Variants in TDRD3 observed in about 807,000 individuals in gnomAD.
TDRD3 encodes the protein tudor domain containing 3.
Under a neutral mutation model 86.7 loss-of-function variants are expected in TDRD3, and 45 were observed. That is an observed-to-expected ratio of 0.52 (90% confidence interval 0.41 to 0.67). The LOEUF (loss-of-function observed/expected upper bound fraction) is 0.67, where lower values mean the gene tolerates loss of function less well. Ranked by LOEUF, TDRD3 falls within the 30% of genes least tolerant of loss-of-function variation. TDRD3 has a pLI of 0.00. For missense variants in TDRD3, 814 were observed against 889.0 expected, an observed-to-expected ratio of 0.92 and a Z score of 1.07; for synonymous variants, 298 against 301.7, an observed-to-expected ratio of 0.99 and a Z score of 0.13.
chr13:60,417,019 CT>C lies in TDRD3; in HGVS notation c.41+19629del, dbSNP rs560202011. Among the ~76,000 whole-genome samples, 392 of 141,772 alleles carry C rather than the reference CT, an allele frequency of 2.8e-3. 1 individual carries two copies. Among genetic ancestry groups the C allele is most frequent in the East Asian group, 3.1e-3 (15 of 4,912 alleles). 93.0% of individuals were successfully genotyped at this position (141,772 alleles called of 152,430 possible). Reference sequence around the variant, plus strand: ...CTTTAACTGATCAGTCTCTCTCTCTCTTTTTTTTTTTTTTTGAGTCCAGGTC... The same window carrying C: ...CTTTAACTGATCAGTCTCTCTCTCTCTTTTTTTTTTTTTTGAGTCCAGGTC... On this transcript the variant is annotated intron_variant, in intron 1 of 13. Coordinates refer to ENST00000377881, the MANE Select transcript of TDRD3 (RefSeq NM_001146070.2).
intron 7 of TDRD3, among the ~76,000 whole-genome samples, chr13:60,492,917 CTTTTTTT>C (rs71199004): frequency 1.7e-5 from 2 of 115,470 alleles, no homozygotes; most frequent in African/African-American, 6.0e-5. Flanking sequence ...TCTTTCTTTT[CTTTTTTT>C]TTTTTTTTTT....
intron 1 of TDRD3, among the ~76,000 whole-genome samples, chr13:60,424,742 C>A (rs2137886871): frequency 6.6e-6 from 1 of 152,268 alleles, no homozygotes; most frequent in Non-Finnish European, 1.5e-5. Context: ...GATTTGTAAT[C>A]ATCACTACTA....
intron 13 of TDRD3, among the ~76,000 whole-genome samples, chr13:60,569,105 A>G (rs145263146): frequency 4.7e-4 from 71 of 152,124 alleles, no homozygotes; most frequent in African/African-American, 8.4e-4. Flanking sequence ...AGTAGCTGGG[A>G]CCACAGGTGC....
chr13:60,465,306 G>A (rs1955894602), intron 4 of TDRD3, among the ~76,000 whole-genome samples: 2 of 152,130 alleles, frequency 1.3e-5, no homozygotes, highest in Non-Finnish European at 2.9e-5. Context: ...TACAATGACT[G>A]TCAGAGTTAT....
chr13:60,540,199 T>C (rs539516007), intron 12 of TDRD3, among the ~76,000 whole-genome samples: 1 of 152,298 alleles, frequency 6.6e-6, no homozygotes, highest in South Asian at 2.1e-4. Flanking sequence ...GAGATCACCA[T>C]GTGAGCAGTG....
Position 60,510,674 on chromosome 13 carries a change from G to T in TDRD3, c.1060G>T (p.Asp354Tyr). The stretch of plus-strand genomic sequence containing the variant: ...GCGAATAAGATCTGAAGATGAAGAG[G>T]ACCTGGGAAATGCAAGGCCATCAGC... Reference protein sequence around the residue: ...RGRIRSEDEEDLGNARPSAPS... With the variant: ...RGRIRSEDEEYLGNARPSAPS... Residue 354 changes from aspartate (D) to tyrosine (Y), a missense_variant, in exon 10 of 14, where the codon GAC becomes TAC. Coordinates refer to ENST00000377881, the MANE Select transcript of TDRD3 (RefSeq NM_001146070.2). The T allele has an allele frequency of 6.2e-7, 1 of 1,606,386 alleles. No individual in the cohort carries two copies. The highest frequency in any genetic ancestry group is 8.5e-7 in the Non-Finnish European group (1 of 1,176,342).
chr13:60,543,964 GTT>G (rs79811167), intron 12 of TDRD3, among the ~76,000 whole-genome samples: 3 of 131,632 alleles, frequency 2.3e-5, no homozygotes, highest in East Asian at 2.2e-4. Context: ...TAATATAGCT[GTT>G]TTTTTTTTTT....
In TDRD3 at chr13:60,511,700, T is replaced by C. The variant is rs1165330763; in HGVS notation, c.1141+945T>C. Among the ~76,000 whole-genome samples the C allele has an allele frequency of 2.6e-5, 4 of 152,212 alleles. No individual in the cohort carries two copies. The East Asian group carries it at 7.7e-4, about 29-fold the overall frequency. On this transcript the variant is annotated intron_variant, in intron 10 of 13. Transcript: ENST00000377881. Reference sequence around the variant, plus strand: ...TGATGTTATCAGAGACTTGAGTTCCTCTTACAGGCTCACCCATTCTAGCAG... The same window carrying C: ...TGATGTTATCAGAGACTTGAGTTCCCCTTACAGGCTCACCCATTCTAGCAG...
At chr13:60,528,261 G>T in intron 10 of TDRD3, 106 bp from the exon 11 acceptor site, 1 of 1,254,744 alleles carries the variant, frequency 8.0e-7, no homozygotes, top group South Asian at 1.9e-5. Flanking sequence ...GAAGATTTTA[G>T]AATAGTAGTT....
At chr13:60,430,337 A>G (rs1450432430) in intron 1 of TDRD3, among the ~76,000 whole-genome samples, 1 of 152,160 alleles carries the variant, frequency 6.6e-6, no homozygotes, top group Non-Finnish European at 1.5e-5. Flanking sequence ...CAATGCTATG[A>G]GTGCAGTAGT....
intron 12 of TDRD3, among the ~76,000 whole-genome samples, chr13:60,563,229 A>AT (rs1317366644): frequency 6.9e-4 from 88 of 127,514 alleles, no homozygotes; most frequent in Admixed American, 1.4e-3. Flanking sequence ...CTCCATATCA[A>AT]TTTAAAAAAA....
chr13:60,572,164 G>A (rs1348713203), intron 13 of TDRD3, among the ~76,000 whole-genome samples: 1 of 152,158 alleles, frequency 6.6e-6, no homozygotes, highest in Non-Finnish European at 1.5e-5. Context: ...CATTCCTGGT[G>A]GGGTGGAGTC....
chr13:60,477,781 T>C (rs886114790), intron 5 of TDRD3, among the ~76,000 whole-genome samples: 2 of 152,230 alleles, frequency 1.3e-5, no homozygotes, highest in Non-Finnish European at 2.9e-5. Context: ...GCTAGTATTT[T>C]ATTGAAGATC....
intron 1 of TDRD3, among the ~76,000 whole-genome samples, chr13:60,421,291 T>C (rs1233572684): frequency 1.3e-5 from 2 of 152,138 alleles, no homozygotes; most frequent in Admixed American, 1.3e-4. Context: ...ACATCCTACA[T>C]GGTGGCAGGC....
Position 60,481,147 on chromosome 13 carries a change from T to G in TDRD3, c.496-2628T>G, listed in dbSNP as rs111248898. 3.4e-3 allele frequency among the ~76,000 whole-genome samples: 513 copies of G among 152,162 alleles called. 4 individuals carry two copies. Among genetic ancestry groups the G allele is most frequent in the African/African-American group, 0.012 (489 of 41,452 alleles). ...CTTGCAGGCATGGCCAGGCAGGGAC[T>G]CTTAGAGGAGTGTTTTCTTTATCAC... On this transcript the variant is annotated intron_variant, in intron 5 of 13. Transcript: ENST00000377881.
At chr13:60,428,269 T>C (rs1954860683) in intron 1 of TDRD3, among the ~76,000 whole-genome samples, 1 of 151,286 alleles carries the variant, frequency 6.6e-6, no homozygotes, top group Non-Finnish European at 1.5e-5. Flanking sequence ...CTTAATTTAA[T>C]TACTTCTGTA....
intron 10 of TDRD3, among the ~76,000 whole-genome samples, chr13:60,525,102 A>C (rs1488966934): frequency 6.7e-6 from 1 of 149,398 alleles, no homozygotes; most frequent in African/African-American, 2.4e-5. Flanking sequence ...AAAAAAAAAA[A>C]AAAAAAACCC....
At position 60,511,402 on chromosome 13, in the gene TDRD3, G is replaced by A. The variant is rs1436649977; in HGVS notation, c.1141+647G>A. Among the ~76,000 whole-genome samples, 12 of 152,218 alleles carry A rather than the reference G, an allele frequency of 7.9e-5. No homozygotes were observed. In the South Asian group the frequency reaches 1.7e-3, roughly 21 times the overall value. Reference sequence around the variant, plus strand: ...AATGCTTTTATAACAAATATGAAATGTTCAGATTTCATAAAAATTGAAGCA... The same window carrying A: ...AATGCTTTTATAACAAATATGAAATATTCAGATTTCATAAAAATTGAAGCA... On this transcript the variant is annotated intron_variant, in intron 10 of 13. Coordinates refer to ENST00000377881, the MANE Select transcript of TDRD3 (RefSeq NM_001146070.2).
At position 60,439,746 on chromosome 13, in the gene TDRD3, A is replaced by G; in HGVS notation, c.100A>G (p.Asn34Asp). ...CTSSPDKVNV[N>D]DIILIALNTD... ...AAGCTCTCCAGACAAAGTCAATGTA[A>G]ATGACATCATCCTGATTGCTCTCAA... Residue 34 changes from asparagine (N) to aspartate (D), a missense_variant, in exon 2 of 14, where the codon AAT (asparagine) becomes GAT (aspartate). Asn to Asp is a conservative substitution (Grantham distance 23, BLOSUM62 1). Transcript: ENST00000377881. The G allele has an allele frequency of 6.5e-7, 1 of 1,543,984 alleles. No homozygotes were observed. The highest frequency in any genetic ancestry group is 8.7e-7 in the Non-Finnish European group (1 of 1,144,502).
Sources: allele counts gnomAD v4.1 joint callset (sites outside exome capture counted in the v4.1 genomes callset), GRCh38; gene constraint gnomAD v4.1.1; transcripts MANE v1.5; gene names NCBI Gene and HGNC (gene_info 2026-07-23, HGNC 2026-07-21).